PRKAR1A: variants seen among roughly 807,000 people sequenced by gnomAD.
PRKAR1A encodes the protein cAMP-dependent protein kinase type I-alpha regulatory subunit.
In PRKAR1A, 3 loss-of-function variants were observed where a neutral mutation model predicts 52.0. That is an observed-to-expected ratio of 0.06 (90% CI 0.03 to 0.15). The LOEUF (loss-of-function observed/expected upper bound fraction) is 0.15, where lower values mean the gene tolerates loss of function less well. PRKAR1A is among the 10% of genes least tolerant of loss of function. The probability of loss-of-function intolerance (pLI) is 1.00; values close to 1 mark genes in which losing one functional copy is unlikely to be tolerated. For synonymous variants in PRKAR1A, 188 were observed against 168.4 expected, an observed-to-expected ratio of 1.12 and a Z score of -0.90; for missense variants, 240 against 477.4, an observed-to-expected ratio of 0.50 and a Z score of 4.63.
At chr17:68,540,681 G>GCC in intron 11 of PRKAR1A, 1 of 827,020 alleles carries the variant, frequency 1.2e-6, no homozygotes, top group African/African-American at 1.7e-5. Flanking sequence ...AGAGAGGGGA[G>GCC]CCTGTTACCT....
chr17:68,523,881 C>T, intron 4 of PRKAR1A, 65 bp downstream of exon 4: 2 of 1,584,930 alleles, frequency 1.3e-6, no homozygotes, highest in Non-Finnish European at 1.7e-6. Flanking sequence ...TTGTTTTCAA[C>T]ACTTGTTGCA....
the PRKAR1A span, chr17:68,421,781 G>C: frequency 6.2e-7 from 1 of 1,614,196 alleles, no homozygotes; most frequent in Non-Finnish European, 8.5e-7. Flanking sequence ...CATCATGACT[G>C]CTTCGTTTTG....
intron 6 of PRKAR1A, 105 bp from the exon 7 acceptor site, chr17:68,525,649 A>T: frequency 7.8e-7 from 1 of 1,289,902 alleles, no homozygotes; most frequent in Non-Finnish European, 1.1e-6. Context: ...TCTGTTTTTT[A>T]AAACAAAGTT....
At chr17:68,530,051 C>A (rs770511334) in intron 10 of PRKAR1A, 50 bp downstream of exon 10, 1 of 1,573,448 alleles carries the variant, frequency 6.4e-7, no homozygotes, top group African/African-American at 1.4e-5. Flanking sequence ...TAAGTCACCT[C>A]TCAGTGAGAT....
At chr17:68,430,299 G>A in the PRKAR1A span, 43 of 801,566 alleles carry the variant, frequency 5.4e-5, no homozygotes, top group African/African-American at 5.5e-4. Flanking sequence ...TCTGCCCACT[G>A]AGAACAATCC....
At chr17:68,451,437 A>C in the PRKAR1A span, among the ~76,000 whole-genome samples, 1 of 152,202 alleles carries the variant, frequency 6.6e-6, no homozygotes, top group Non-Finnish European at 1.5e-5. Flanking sequence ...CGTCTCAAGA[A>C]AAGAAAAAGA....
At chr17:68,460,456 G>A in the PRKAR1A span, among the ~76,000 whole-genome samples, 2 of 152,196 alleles carry the variant, frequency 1.3e-5, no homozygotes, top group Non-Finnish European at 2.9e-5. Flanking sequence ...CATGCTTACT[G>A]GAATCAAGGT....
At chr17:68,419,402 G>A in the PRKAR1A span, among the ~76,000 whole-genome samples, 1 of 151,840 alleles carries the variant, frequency 6.6e-6, no homozygotes, top group Non-Finnish European at 1.5e-5. Flanking sequence ...ATGGTGAAAC[G>A]CCATCTCTAC....
chr17:68,540,947 T>C (rs748283541), intron 11 of PRKAR1A: 4 of 1,591,638 alleles, frequency 2.5e-6, no homozygotes, highest in African/African-American at 1.3e-5. Context: ...GTAAAGGGGA[T>C]TGACCTCCCA....
the PRKAR1A span, among the ~76,000 whole-genome samples, chr17:68,451,858 G>A: frequency 6.6e-6 from 1 of 152,206 alleles, no homozygotes; most frequent in Non-Finnish European, 1.5e-5. Flanking sequence ...AAAGGTTACG[G>A]CTTTGGTATC....
At chr17:68,528,591 T>G in intron 8 of PRKAR1A, 1 of 437,562 alleles carries the variant, frequency 2.3e-6, no homozygotes, top group South Asian at 3.1e-5. Flanking sequence ...CAGGAATACT[T>G]AAGGATTACA....
the PRKAR1A span, among the ~76,000 whole-genome samples, chr17:68,466,409 C>CTTTTT: frequency 4.2e-5 from 5 of 118,354 alleles, no homozygotes; most frequent in Admixed American, 8.5e-5. Flanking sequence ...TTTTCTCTCT[C>CTTTTT]TTTTTTTTTT....
At chr17:68,500,279 T>C in the PRKAR1A span, among the ~76,000 whole-genome samples, 3 of 152,322 alleles carry the variant, frequency 2.0e-5, no homozygotes, top group East Asian at 3.9e-4. Context: ...TGGGAGATAA[T>C]TGAATCATGG....
chr17:68,509,037 T>C (rs1431427107), upstream of PRKAR1A, among the ~76,000 whole-genome samples: 1 of 152,216 alleles, frequency 6.6e-6, no homozygotes, highest in South Asian at 2.1e-4. Context: ...AAACTTTAGG[T>C]GCAAGAACCA....
the PRKAR1A span, chr17:68,435,718 G>A: frequency 6.2e-7 from 1 of 1,613,992 alleles, no homozygotes; most frequent in Non-Finnish European, 8.5e-7. Context: ...GTTTTCTGTT[G>A]GTGAAAAGGA....
At chr17:68,498,888 C>G in the PRKAR1A span, among the ~76,000 whole-genome samples, 1 of 152,216 alleles carries the variant, frequency 6.6e-6, no homozygotes, top group African/African-American at 2.4e-5. Flanking sequence ...TCTTCTGTAG[C>G]TCTCAGGTGG....
At chr17:68,420,534 A>G in the PRKAR1A span, 3 of 1,521,798 alleles carry the variant, frequency 2.0e-6, no homozygotes, top group Non-Finnish European at 2.7e-6. Flanking sequence ...TTTCATTTTT[A>G]CCCTCTTTAC....
At chr17:68,470,523 T>G in the PRKAR1A span, among the ~76,000 whole-genome samples, 1 of 152,260 alleles carries the variant, frequency 6.6e-6, no homozygotes, top group Non-Finnish European at 1.5e-5. Context: ...TTGAACTACA[T>G]TATCTTTAAA....
chr17:68,428,999 A>G, the PRKAR1A span: 70,866 of 1,275,162 alleles, frequency 0.056, 2,194 homozygotes, highest in Middle Eastern at 0.07. Context: ...TTCGCTTCCA[A>G]TGACAAAGCC....
Sources: gnomAD v4.1 joint callset for allele counts (sites outside exome capture counted in the v4.1 genomes callset) on GRCh38, gnomAD v4.1.1 for gene constraint, MANE v1.5 for transcripts, NCBI Gene and HGNC (gene_info 2026-07-23, HGNC 2026-07-21) for gene names.